The following COL6A1 variants were observed in gnomAD, a reference collection of about 807,000 sequenced individuals.
The protein encoded by COL6A1 is collagen type VI alpha 1 chain, also known as collagen alpha-1(VI) chain.
In COL6A1, 80 loss-of-function variants were observed where a neutral mutation model predicts 145.6. That is an observed-to-expected ratio of 0.55 (90% CI 0.46 to 0.66). The LOEUF is 0.66. Among genes scored for constraint, COL6A1 ranks in the 30% least tolerant of loss-of-function variants. COL6A1 has a pLI of 0.00. For synonymous variants in COL6A1, 638 were observed against 622.8 expected (o/e 1.02, Z -0.36); for missense variants, 1,364 against 1,473.8 (o/e 0.93, Z 1.22).
intron 31 of COL6A1, 57 bp downstream of exon 31, chr21:46,002,127 C>T (rs1169408940): frequency 1.5e-5 from 24 of 1,577,794 alleles, no homozygotes; most frequent in South Asian, 6.9e-5. Flanking sequence ...GCTGTTCCCA[C>T]GGCAGGTCGG....
At position 46,004,091 on chromosome 21, in the gene COL6A1, G is replaced by A. The variant is rs751232299; in HGVS notation, c.*78G>A. 1.1e-4 allele frequency: 166 copies of A among 1,555,852 alleles called. No individual in the cohort carries two copies. The highest frequency in any genetic ancestry group is 1.3e-4 in the Non-Finnish European group (153 of 1,140,418). On this transcript the variant is annotated 3_prime_UTR_variant, in exon 35 of 35. Transcript: ENST00000361866. ...CACTAAACAGAGTAAAATGTGATGC[G>A]AATTTTCCCGACCAACCTGATTCGC...
At position 46,002,551 on chromosome 21, in the gene COL6A1, G is replaced by A. The variant is rs373383488; in HGVS notation, c.2275G>A (p.Val759Met). The part of the protein sequence containing the change: ...IQVVSVGIKD[V>M]FDFIPGSDQL... ...GGTGGTCTCCGTGGGCATCAAAGAC[G>A]TGTTTGACTTCATCCCAGGCTCAGA... is the stretch of plus-strand genomic sequence containing the variant. The change falls in exon 33 of 35, where the codon GTG becomes ATG. Residue 759 changes from valine to methionine, a missense_variant. Val to Met is a conservative substitution (Grantham distance 21). Coordinates refer to ENST00000361866, the MANE Select transcript of COL6A1 (RefSeq NM_001848.3). 32 of 1,614,138 alleles carry A rather than the reference G, an allele frequency of 2.0e-5. No homozygotes were observed. In the Middle Eastern group the frequency reaches 4.9e-4, roughly 25 times the overall value.
intron 29 of COL6A1, 120 bp from the exon 30 acceptor site, chr21:46,001,133 G>A: frequency 7.2e-7 from 1 of 1,396,268 alleles, no homozygotes; most frequent in East Asian, 2.4e-5. Context: ...GCTGAGACGG[G>A]GGGACCCCAA....
intron 11 of COL6A1, 38 bp from the exon 12 acceptor site, chr21:45,990,220 C>G (rs1228787416): frequency 2.0e-5 from 33 of 1,612,466 alleles, no homozygotes; most frequent in Admixed American, 3.3e-5. Flanking sequence ...CCCTCCCCAC[C>G]CCAAATACCC....
intron 1 of COL6A1, 78 bp downstream of exon 1, chr21:45,982,025 TC>T: frequency 8.4e-7 from 1 of 1,192,610 alleles, no homozygotes; most frequent in Non-Finnish European, 1.2e-6. Flanking sequence ...CGGGGTCCCC[TC>T]CCACGCGTGG....
In COL6A1 at chr21:45,984,351, A is replaced by AT; in HGVS notation, c.310_311insT (p.Thr104IlefsTer48). The AT allele has an allele frequency of 6.2e-7, 1 of 1,612,602 alleles. No homozygotes were observed. Reference sequence around the variant, plus strand: ...CGAGGTGGAGATCATCCAAGGCCTCACGCGCATGCCTGGCGGCCGCGACGC... The same window carrying AT: ...CGAGGTGGAGATCATCCAAGGCCTCATCGCGCATGCCTGGCGGCCGCGACGC... On this transcript the variant is annotated frameshift_variant, in exon 3 of 35. Coordinates refer to ENST00000361866, the MANE Select transcript of COL6A1 (RefSeq NM_001848.3). LOFTEE classifies it high-confidence loss of function.
At chr21:45,992,111 G>A (rs202073954) in intron 16 of COL6A1, 39 bp downstream of exon 16, 7 of 1,613,482 alleles carry the variant, frequency 4.3e-6, no homozygotes, top group Admixed American at 3.3e-5. Flanking sequence ...CCAGGTATGG[G>A]CCCAGGGAGG....
At chr21:45,986,272 G>A (rs900444397) in intron 3 of COL6A1, among the ~76,000 whole-genome samples, 2 of 152,160 alleles carry the variant, frequency 1.3e-5, no homozygotes, top group African/African-American at 2.4e-5. Flanking sequence ...CCCAGGAACC[G>A]AGCCTCCTTT....
rs147219060 is a variant in COL6A1, at chr21:46,002,281, G to A, written c.2130G>A (p.Thr710=). ...GTFTGEALQY[T]RDQLLPPSPN... ...TCACGGGGGAGGCCCTGCAGTACAC[G>A]CGGGACCAGCTGCTGCCGCCCAGCC... The change falls in exon 32 of 35, where the codon ACG becomes ACA. Residue 710 remains threonine (T), a synonymous_variant. Transcript: ENST00000361866. 6,088 of 1,597,108 alleles carry A rather than the reference G, an allele frequency of 3.8e-3. 34 individuals carry two copies. Among genetic ancestry groups the A allele is most frequent in the South Asian group, 0.013 (1,156 of 89,040 alleles).
Position 45,986,694 on chromosome 21 carries a change from C to CA in COL6A1, c.588+9_588+10insA, listed in dbSNP as rs1490943805. 3 of 1,541,706 alleles carry CA rather than the reference C, an allele frequency of 1.9e-6. No homozygotes were observed. The African/African-American group carries it at 4.3e-5, about 22-fold the overall frequency. On this transcript the variant is annotated intron_variant, in intron 4 of 34. Transcript: ENST00000361866. ...TCACACCCGACCACCTGGTAGGCACCGGCCCCCCCCGGCAGATGCCCCCAA... is the reference window on the plus strand; with the variant it reads ...TCACACCCGACCACCTGGTAGGCACCAGGCCCCCCCCGGCAGATGCCCCCAA...
At chr21:46,003,177 G>T (rs777587115) in intron 34 of COL6A1, 28 bp downstream of exon 34, 10 of 1,613,844 alleles carry the variant, frequency 6.2e-6, no homozygotes, top group African/African-American at 1.3e-5. Flanking sequence ...CGGGACACGT[G>T]GGGAGGAGGG....
In COL6A1 at chr21:46,001,401, C is replaced by T. The variant is rs11701124; in HGVS notation, c.1956+15C>T. On this transcript the variant is annotated intron_variant, in intron 30 of 34. Coordinates refer to ENST00000361866, the MANE Select transcript of COL6A1 (RefSeq NM_001848.3). ...AGCTGGTCAAGGTGAGGCCTCGCCC[C>T]GCCCGGCTTTCTCAAGCCCAGGTGC... 783,014 of 1,607,804 alleles carry T rather than the reference C, an allele frequency of 0.49. 193,108 individuals are homozygous for T. Among genetic ancestry groups the T allele is most frequent in the East Asian group, 0.69 (31,070 of 44,824 alleles).
intron 13 of COL6A1, 113 bp from the exon 14 acceptor site, chr21:45,990,660 C>G: frequency 1.1e-6 from 1 of 947,730 alleles, no homozygotes. Flanking sequence ...GTCTGCTAGG[C>G]AGGGCTTTCC....
At chr21:45,989,504 G>A (rs576852003) in intron 9 of COL6A1, 104 bp from the exon 10 acceptor site, 20 of 1,218,488 alleles carry the variant, frequency 1.6e-5, no homozygotes, top group African/African-American at 1.5e-4. Flanking sequence ...CCCCTCTCTC[G>A]GCCTGACCAG....
At position 46,002,537 on chromosome 21, in the gene COL6A1, T is replaced by A. The variant is rs748491251; in HGVS notation, c.2261T>A (p.Val754Glu). The A allele has an allele frequency of 6.2e-7, 1 of 1,614,096 alleles. No homozygotes were observed. The highest frequency in any genetic ancestry group is 2.2e-5 in the East Asian group (1 of 44,864). Reference protein sequence around the residue: ...LCSPGIQVVSVGIKDVFDFIP... With the variant: ...LCSPGIQVVSEGIKDVFDFIP... Reference sequence around the variant, plus strand: ...TGTCTGTCCCCACAGGTGGTCTCCGTGGGCATCAAAGACGTGTTTGACTTC... The same window carrying A: ...TGTCTGTCCCCACAGGTGGTCTCCGAGGGCATCAAAGACGTGTTTGACTTC... Residue 754 changes from valine (V) to glutamate (E), a missense_variant, in exon 33 of 35, where the codon GTG becomes GAG. By Grantham distance (121) the Val-to-Glu change is moderately radical. Around this residue, in one of 3 missense-constraint regions of COL6A1, gnomAD observed 938 missense variants for 1,003.8 expected, o/e 0.93. Coordinates refer to ENST00000361866, the MANE Select transcript of COL6A1 (RefSeq NM_001848.3).
chr21:46,002,666 T>A lies in COL6A1; in HGVS notation c.2390T>A (p.Leu797Gln). ...GTCAAGGAGAACTATGCAGAGCTGC[T>A]GGAGGATGCCTTCCTGAAGAATGTC... The part of the protein sequence containing the change: ...SLVKENYAEL[L>Q]EDAFLKNVTA... The change falls in exon 33 of 35, where the codon CTG (leucine) becomes CAG (glutamine). Residue 797 changes from leucine to glutamine, a missense_variant. By Grantham distance (113) the Leu-to-Gln change is moderately radical (BLOSUM62 -2). This residue lies in a region of COL6A1 where 938 missense variants were observed against 1,003.8 expected (regional missense o/e 0.93). Coordinates refer to ENST00000361866, the MANE Select transcript of COL6A1 (RefSeq NM_001848.3). 6.2e-7 allele frequency: 1 copy of A among 1,613,874 alleles called. No individual in the cohort carries two copies. Among genetic ancestry groups the A allele is most frequent in the East Asian group, 2.2e-5 (1 of 44,876 alleles).
In COL6A1 at chr21:45,984,492, C is replaced by T. The variant is rs779990482; in HGVS notation, c.428+23C>T. ...GGGGTGAGTGGCCCCCAGCCTCCTG[C>T]CCACGCCAGTTCTCACGCGTGGTAC... is the stretch of plus-strand genomic sequence containing the variant. On this transcript the variant is annotated intron_variant, in intron 3 of 34. Coordinates refer to ENST00000361866, the MANE Select transcript of COL6A1 (RefSeq NM_001848.3). 3 of 1,602,742 alleles carry T rather than the reference C, an allele frequency of 1.9e-6. No homozygotes were observed. In the East Asian group the frequency reaches 6.7e-5, roughly 36 times the overall value.
chr21:45,995,057 C>T (rs1013318173), intron 20 of COL6A1, among the ~76,000 whole-genome samples: 1 of 152,250 alleles, frequency 6.6e-6, no homozygotes, highest in Non-Finnish European at 1.5e-5. Context: ...TGGGAGAGGC[C>T]GTCCCAGTGC....
chr21:45,990,309 G>A (rs2077767315), intron 12 of COL6A1, 25 bp downstream of exon 12: 1 of 1,612,630 alleles, frequency 6.2e-7, no homozygotes, highest in Non-Finnish European at 8.5e-7. Context: ...CTGGGAGGGG[G>A]GAGTTCTGCC....
Sources: gnomAD v4.1 joint callset for allele counts (sites outside exome capture counted in the v4.1 genomes callset) on GRCh38, gnomAD v4.1.1 for gene constraint, gnomAD v4.1.1 regional missense constraint, MANE v1.5 for transcripts, NCBI Gene and HGNC (gene_info 2026-07-23, HGNC 2026-07-21) for gene names.